The following SH3D19 variants were observed in gnomAD, a reference collection of about 807,000 sequenced individuals.
SH3D19 encodes the protein SH3 domain containing 19, also known as SH3 domain-containing protein 19.
Under a neutral mutation model 112.1 loss-of-function variants are expected in SH3D19, and 58 were observed. The ratio of observed to expected loss-of-function variants is 0.52; its 90% CI spans 0.42 to 0.64. The LOEUF is 0.64. Among genes scored for constraint, SH3D19 ranks in the 30% least tolerant of loss-of-function variants. The pLI is 0.00. For missense variants in SH3D19, 1,090 were observed against 1,263.4 expected, an observed-to-expected ratio of 0.86 and a Z score of 2.08; for synonymous variants, 391 against 448.5, an observed-to-expected ratio of 0.87 and a Z score of 1.62.
At chr4:151,133,357 G>A (rs559066567) in intron 15 of SH3D19, 121 bp from the exon 16 acceptor site, 77 of 770,270 alleles carry the variant, frequency 1.0e-4, no homozygotes, top group African/African-American at 8.4e-4. Flanking sequence ...GGTATACTAG[G>A]CTAATTTGAA....
intron 7 of SH3D19, among the ~76,000 whole-genome samples, chr4:151,172,939 T>C (rs1352956766): frequency 2.0e-5 from 3 of 152,330 alleles, no homozygotes; most frequent in Non-Finnish European, 2.9e-5. Flanking sequence ...TAAAGTCAGA[T>C]AGCACAAGCA....
chr4:151,300,625 G>A (rs974090280), intron 1 of SH3D19: 2 of 150,658 alleles, frequency 1.3e-5, no homozygotes, highest in African/African-American at 4.9e-5. Flanking sequence ...TTTTTAAGGT[G>A]TATGGCCATG....
At position 151,176,658 on chromosome 4, in the gene SH3D19, T is replaced by C; in HGVS notation, c.405A>G (p.Lys135=). Residue 135 remains lysine, a synonymous_variant, in exon 6 of 20, where the codon AAA becomes AAG. Transcript: ENST00000604030. The part of the protein sequence containing the change: ...ELPPSYEQVI[K]EINQVQVNTT... The stretch of plus-strand genomic sequence containing the variant: ...TATTAACTTGAACTTGGTTGATTTC[T>C]TTTATAACTTGTTCATAAGATGGTG... 1 of 1,232,058 alleles carries C rather than the reference T, an allele frequency of 8.1e-7. No homozygotes were observed. Among genetic ancestry groups the C allele is most frequent in the Non-Finnish European group, 1.0e-6 (1 of 987,862 alleles). The allele number at this position is 1,232,058 out of a possible 1,614,324, so 76.3% of individuals were successfully genotyped here.
At chr4:151,148,824 G>C (rs1225749821) in intron 10 of SH3D19, among the ~76,000 whole-genome samples, 1 of 152,168 alleles carries the variant, frequency 6.6e-6, no homozygotes, top group Non-Finnish European at 1.5e-5. Flanking sequence ...CGGATCATGA[G>C]GTCATGAGAT....
intron 1 of SH3D19, among the ~76,000 whole-genome samples, chr4:151,299,417 C>A (rs1017510449): frequency 6.6e-6 from 1 of 151,910 alleles, no homozygotes; most frequent in Non-Finnish European, 1.5e-5. Context: ...CCCGTCTCCA[C>A]TAAAAATACA....
At position 151,120,989 on chromosome 4, in the gene SH3D19, A is replaced by C. The variant is rs566445262; in HGVS notation, c.*1102T>G. 9.2e-5 allele frequency: 14 copies of C among 152,786 alleles called. No individual in the cohort carries two copies. In the South Asian group the frequency reaches 2.7e-3, roughly 29 times the overall value. The allele number at this position is 152,786 out of a possible 1,614,324, so 9.5% of individuals were successfully genotyped here. On this transcript the variant is annotated 3_prime_UTR_variant, in exon 20 of 20. Transcript: ENST00000604030. ...TTTTATCTTAAGCTTAGAATTTATA[A>C]CAATGGAAAGCAGGAAAGTGGTTTT...
rs146051356 is a variant in SH3D19 at position 151,155,347 on chromosome 4, A to G, written c.1755+3893T>C. ...GCTACTTTGAAAATCACAAGTGATC[A>G]CTAAATTTTAATTCATTCTTCAGGA... On this transcript the variant is annotated intron_variant, in intron 9 of 19. Transcript: ENST00000604030. Among the ~76,000 whole-genome samples the G allele has an allele frequency of 2.0e-3, 307 of 152,330 alleles. 1 individual carries two copies. Among genetic ancestry groups the G allele is most frequent in the African/African-American group, 7.2e-3 (299 of 41,578 alleles).
At chr4:151,275,965 C>T (rs1773584327) in intron 1 of SH3D19, among the ~76,000 whole-genome samples, 1 of 151,882 alleles carries the variant, frequency 6.6e-6, no homozygotes, top group Non-Finnish European at 1.5e-5. Context: ...GCCTCAGCCT[C>T]CCGAGTAGCT....
At chr4:151,180,163 C>T (rs561626842) in intron 3 of SH3D19, among the ~76,000 whole-genome samples, 2 of 152,212 alleles carry the variant, frequency 1.3e-5, no homozygotes, top group Non-Finnish European at 2.9e-5. Context: ...CAGGCATGAG[C>T]CACTATGCCC....
intron 17 of SH3D19, among the ~76,000 whole-genome samples, chr4:151,130,536 T>A (rs1275799407): frequency 6.6e-6 from 1 of 152,188 alleles, no homozygotes; most frequent in Non-Finnish European, 1.5e-5. Flanking sequence ...CCTTTAAGCA[T>A]TTCTGGGGTC....
intron 1 of SH3D19, among the ~76,000 whole-genome samples, chr4:151,286,184 GAAAAAAAA>G (rs56850648): frequency 2.1e-4 from 18 of 86,624 alleles, no homozygotes; most frequent in African/African-American, 7.0e-4. Flanking sequence ...CTGTCTTAAA[GAAAAAAAA>G]AAAAAAAAAA....
At chr4:151,265,776 T>C (rs1772743131) in intron 1 of SH3D19, among the ~76,000 whole-genome samples, 1 of 151,842 alleles carries the variant, frequency 6.6e-6, no homozygotes, top group Non-Finnish European at 1.5e-5. Context: ...ATGGGGTTTC[T>C]CCATGTTGCC....
At chr4:151,317,660 T>C (rs1290801706) in intron 1 of SH3D19, among the ~76,000 whole-genome samples, 1 of 152,202 alleles carries the variant, frequency 6.6e-6, no homozygotes, top group African/African-American at 2.4e-5. Flanking sequence ...AATAATGAGC[T>C]TTCAGTGGAC....
chr4:151,319,314 T>C lies in SH3D19; in HGVS notation c.112+5927A>G, dbSNP rs139860918. Among the ~76,000 whole-genome samples, 39 of 152,358 alleles carry C rather than the reference T, an allele frequency of 2.6e-4. No individual in the cohort carries two copies. In the East Asian group the frequency reaches 4.4e-3, roughly 17 times the overall value. The stretch of plus-strand genomic sequence containing the variant: ...GTCCACCCGCATTGGCCTCCCAAAG[T>C]GCTGGGATTACAGGCGTAAGCCACT... On this transcript the variant is annotated intron_variant, in intron 1 of 19. Coordinates refer to ENST00000604030, the MANE Select transcript of SH3D19 (RefSeq NM_001378122.1).
intron 1 of SH3D19, among the ~76,000 whole-genome samples, chr4:151,295,405 C>T (rs1415651786): frequency 6.6e-6 from 1 of 152,232 alleles, no homozygotes; most frequent in Non-Finnish European, 1.5e-5. Context: ...TGAGTTTCCA[C>T]ATGAGGCTAT....
intron 1 of SH3D19, among the ~76,000 whole-genome samples, chr4:151,296,013 C>T (rs1275359632): frequency 2.2e-5 from 3 of 133,836 alleles, no homozygotes; most frequent in Admixed American, 1.7e-4. Flanking sequence ...TCCAGCCTGG[C>T]GACAGAGCAA....
intron 1 of SH3D19, among the ~76,000 whole-genome samples, chr4:151,263,912 C>T (rs1194767139): frequency 6.6e-6 from 1 of 152,152 alleles, no homozygotes; most frequent in East Asian, 1.9e-4. Context: ...CTCAAGTGAT[C>T]CTCCCCACTT....
intron 2 of SH3D19, among the ~76,000 whole-genome samples, chr4:151,201,927 G>T (rs767602125): frequency 3.0e-4 from 46 of 151,656 alleles, no homozygotes; most frequent in Admixed American, 1.3e-3. Context: ...CAGGAGATTT[G>T]CTTGAACTCG....
intron 1 of SH3D19, among the ~76,000 whole-genome samples, chr4:151,233,171 C>T (rs1365864005): frequency 1.3e-5 from 2 of 151,954 alleles, no homozygotes; most frequent in Non-Finnish European, 2.9e-5. Context: ...CCAGATGGGA[C>T]CATCTAGTTG....
Sources: gnomAD v4.1 joint callset for allele counts (sites outside exome capture counted in the v4.1 genomes callset) on GRCh38, gnomAD v4.1.1 for gene constraint, MANE v1.5 for transcripts, NCBI Gene and HGNC (gene_info 2026-07-23, HGNC 2026-07-21) for gene names.